The following ZC3H3 variants were observed in gnomAD, a reference collection of about 807,000 sequenced individuals.
The protein encoded by ZC3H3 is zinc finger CCCH domain-containing protein 3.
In ZC3H3, 36 loss-of-function variants were observed where a neutral mutation model predicts 77.3. The observed-to-expected ratio is 0.47, with a 90% CI of 0.36 to 0.61. The LOEUF (loss-of-function observed/expected upper bound fraction) is 0.61. ZC3H3 is among the 20% of genes least tolerant of loss of function. The probability of loss-of-function intolerance (pLI) is 0.00; values close to 1 mark genes in which losing one functional copy is unlikely to be tolerated. For missense variants in ZC3H3, 1,331 were observed against 1,312.2 expected (o/e 1.01, Z -0.22); for synonymous variants, 626 against 555.2 (o/e 1.13, Z -1.79).
At position 143,442,409 on chromosome 8, in the gene ZC3H3, TGGGGGGGCGGGGGCAAGGCCTCCGG is replaced by T. The variant is rs1224904048; in HGVS notation, c.2308-1314_2308-1290del. ...AGCAGGCTTCAGGGGCCGGGGGGGG[TGGGGGGGCGGGGGCAAGGCCTCCGG>T]GGGGGGGGGGGGGCAGGGGCAGTGG... is the stretch of plus-strand genomic sequence containing the variant. On this transcript the variant is annotated intron_variant, in intron 9 of 11. Transcript: ENST00000262577. 1.2e-3 allele frequency among the ~76,000 whole-genome samples: 32 copies of T among 27,604 alleles called. 1 individual carries two copies. In the East Asian group the frequency reaches 0.044, roughly 38 times the overall value. 18.1% of individuals were successfully genotyped at this position (27,604 alleles called of 152,430 possible). A position where few individuals can be genotyped will look rare whatever the true frequency, so the allele number is the denominator to read the frequency against.
chr8:143,466,039 G>A (rs1586891085), intron 8 of ZC3H3, among the ~76,000 whole-genome samples, 191 bp from the exon 9 acceptor site: 1 of 152,192 alleles, frequency 6.6e-6, no homozygotes, highest in Non-Finnish European at 1.5e-5. Flanking sequence ...AGCCTCCCCA[G>A]GTGAGCCACA....
chr8:143,521,857 C>G (rs1391034391), intron 3 of ZC3H3, among the ~76,000 whole-genome samples: 1 of 152,188 alleles, frequency 6.6e-6, no homozygotes, highest in Non-Finnish European at 1.5e-5. Flanking sequence ...ACCCCACCAT[C>G]CCAACAATGC....
intron 4 of ZC3H3, among the ~76,000 whole-genome samples, chr8:143,485,266 C>T (rs994716136): frequency 6.6e-6 from 1 of 152,174 alleles, no homozygotes; most frequent in African/African-American, 2.4e-5. Flanking sequence ...GAAGAAAATG[C>T]AAATCTATGA....
intron 4 of ZC3H3, among the ~76,000 whole-genome samples, chr8:143,481,463 C>T (rs1221735686): frequency 6.6e-6 from 1 of 152,168 alleles, no homozygotes; most frequent in Non-Finnish European, 1.5e-5. Context: ...ACAGAGAGGT[C>T]GCTGTGTGAC....
chr8:143,473,825 G>A (rs900915988), intron 5 of ZC3H3, among the ~76,000 whole-genome samples: 1 of 152,214 alleles, frequency 6.6e-6, no homozygotes, highest in Non-Finnish European at 1.5e-5. Flanking sequence ...GTGGCTGGTG[G>A]ACGGCCACAG....
At chr8:143,513,480 C>T (rs906315516) in intron 3 of ZC3H3, among the ~76,000 whole-genome samples, 6 of 152,344 alleles carry the variant, frequency 3.9e-5, no homozygotes, top group African/African-American at 1.2e-4. Flanking sequence ...CTCTCAGGCA[C>T]AAGGAGTCCC....
chr8:143,484,838 A>G, intron 4 of ZC3H3: 1 of 451,930 alleles, frequency 2.2e-6, no homozygotes, highest in Non-Finnish European at 4.4e-6. Flanking sequence ...CCCCACTCCC[A>G]GGCCCTGGGA....
At position 143,440,164 on chromosome 8, in the gene ZC3H3, A is replaced by C. The variant is rs1228427858; in HGVS notation, c.2692T>G (p.Leu898Val). Residue 898 changes from leucine (L) to valine (V), a missense_variant, in exon 11 of 12, where the codon TTA (leucine) becomes GTA (valine). Around this residue, in one of 3 missense-constraint regions of ZC3H3, gnomAD observed 249 missense variants for 236.9 expected, o/e 1.05. Transcript: ENST00000262577. ...AGCCTGTTGGAGCACGCTGCTGCTA[A>C]GGCAGCCTCCTGGAGAGATGGTGCC... ...HEAPSLQEAA[L>V]AAACSNRLCK... 6.2e-7 allele frequency: 1 copy of C among 1,611,986 alleles called. No homozygotes were observed. Among genetic ancestry groups the C allele is most frequent in the Non-Finnish European group, 8.5e-7 (1 of 1,179,740 alleles).
At chr8:143,502,861 A>C (rs1334661377) in intron 4 of ZC3H3, among the ~76,000 whole-genome samples, 1 of 152,230 alleles carries the variant, frequency 6.6e-6, no homozygotes, top group Non-Finnish European at 1.5e-5. Context: ...GCACCCCTGC[A>C]TTCCAGGCCC....
At chr8:143,524,048 C>T (rs1239881865) in intron 3 of ZC3H3, among the ~76,000 whole-genome samples, 1 of 152,256 alleles carries the variant, frequency 6.6e-6, no homozygotes, top group African/African-American at 2.4e-5. Flanking sequence ...GTCCGTGTTC[C>T]CAGGTGGCCC....
At chr8:143,524,059 C>T (rs1352544784) in intron 3 of ZC3H3, among the ~76,000 whole-genome samples, 1 of 152,246 alleles carries the variant, frequency 6.6e-6, no homozygotes, top group African/African-American at 2.4e-5. Context: ...CAGGTGGCCC[C>T]GTCTCTCCCG....
At position 143,525,413 on chromosome 8, in the gene ZC3H3, G is replaced by A. The variant is rs1392373225; in HGVS notation, c.1561+10844C>T. ...TGTGGCCATCTAGAAGCCCTGAAGA[G>A]GGACACATGGCCCAGCCCTTTCCAG... On this transcript the variant is annotated intron_variant, in intron 3 of 11. Coordinates refer to ENST00000262577, the MANE Select transcript of ZC3H3 (RefSeq NM_015117.3). Among the ~76,000 whole-genome samples the A allele has an allele frequency of 3.3e-5, 5 of 152,372 alleles. No individual in the cohort carries two copies. In the East Asian group the frequency reaches 9.6e-4, roughly 29 times the overall value.
intron 1 of ZC3H3, among the ~76,000 whole-genome samples, chr8:143,539,582 C>T (rs894643188): frequency 1.1e-4 from 17 of 152,162 alleles, no homozygotes; most frequent in African/African-American, 3.4e-4. Context: ...AGAAATGAAC[C>T]GTGTGGTGTA....
chr8:143,493,924 C>T lies in ZC3H3; in HGVS notation c.1715+13822G>A, dbSNP rs1474803466. On this transcript the variant is annotated intron_variant, in intron 4 of 11. Transcript: ENST00000262577. This position sits in a 1 kb window ranked among gnomAD's most constrained non-coding sequence, Gnocchi z 4.8. The stretch of plus-strand genomic sequence containing the variant: ...GTAATAAGTCACTAAGCTCCCTGTC[C>T]TGTTTCATAAAATAAAAAATTATAA... Among the ~76,000 whole-genome samples, 1 of 152,212 alleles carries T rather than the reference C, an allele frequency of 6.6e-6. No homozygotes were observed.
At position 143,475,378 on chromosome 8, in the gene ZC3H3, C is replaced by T. The variant is rs200314601; in HGVS notation, c.1903+20G>A. The T allele has an allele frequency of 4.4e-6, 7 of 1,606,306 alleles. No homozygotes were observed. In the Admixed American group the frequency reaches 1.2e-4, roughly 27 times the overall value. On this transcript the variant is annotated intron_variant, in intron 5 of 11. Transcript: ENST00000262577. ...AGCCGGTCGGTGTCATCTCCCAGCG[C>T]CCCCGCCCTCACCTCTCACCTGTGC...
At position 143,493,243 on chromosome 8, in the gene ZC3H3, T is replaced by C. The variant is rs1033111584; in HGVS notation, c.1715+14503A>G. On this transcript the variant is annotated intron_variant, in intron 4 of 11. Coordinates refer to ENST00000262577, the MANE Select transcript of ZC3H3 (RefSeq NM_015117.3). This position sits in a 1 kb window ranked among gnomAD's most constrained non-coding sequence, Gnocchi z 4.8. ...GCTCCCTCCTCAGGGTCCTGTGTCC[T>C]GGCCCAGATCTGCCCTGCCTGCCAG... Among the ~76,000 whole-genome samples, 1 of 152,232 alleles carries C rather than the reference T, an allele frequency of 6.6e-6. No homozygotes were observed. The highest frequency in any genetic ancestry group is 2.4e-5 in the African/African-American group (1 of 41,466).
At chr8:143,449,651 T>C (rs1023875144) in intron 9 of ZC3H3, among the ~76,000 whole-genome samples, 1 of 152,156 alleles carries the variant, frequency 6.6e-6, no homozygotes, top group Non-Finnish European at 1.5e-5. Context: ...GGCAGGAGAA[T>C]TGCTTGAACC....
At chr8:143,470,821 G>A (rs931187702) in intron 5 of ZC3H3, among the ~76,000 whole-genome samples, 3 of 152,250 alleles carry the variant, frequency 2.0e-5, no homozygotes, top group Admixed American at 2.0e-4. Flanking sequence ...TAGCTGGCTG[G>A]AAAAGAAGCA....
In ZC3H3 at chr8:143,462,177, C is replaced by T. The variant is rs571460748; in HGVS notation, c.2307+3540G>A. Among the ~76,000 whole-genome samples the T allele has an allele frequency of 6.6e-6, 1 of 152,112 alleles. No individual in the cohort carries two copies. Among genetic ancestry groups the T allele is most frequent in the Non-Finnish European group, 1.5e-5 (1 of 68,010 alleles). ...GACACTGCCAGGCCCACTGTGGCCC[C>T]CTGAAGAGTCGCCACGACCCTCTGA... On this transcript the variant is annotated intron_variant, in intron 9 of 11. Transcript: ENST00000262577. This position sits in a 1 kb window ranked among gnomAD's most constrained non-coding sequence, Gnocchi z 4.7.
Sources: allele counts gnomAD v4.1 joint callset (sites outside exome capture counted in the v4.1 genomes callset), GRCh38; gene constraint gnomAD v4.1.1; regional missense constraint gnomAD v4.1.1; non-coding constraint Gnocchi (gnomAD v3.1); transcripts MANE v1.5; gene names NCBI Gene and HGNC (gene_info 2026-07-23, HGNC 2026-07-21).